RALGPS1: variants seen among roughly 807,000 people sequenced by gnomAD.
RALGPS1 encodes the protein ras-specific guanine nucleotide-releasing factor RalGPS1.
RALGPS1 carries 19 observed loss-of-function variants against 78.8 expected under a neutral mutation model. That is an observed-to-expected ratio of 0.24 (90% CI 0.17 to 0.35). The LOEUF is 0.35. Among genes scored for constraint, RALGPS1 ranks in the 10% least tolerant of loss-of-function variants. The pLI is 1.00. For missense variants in RALGPS1, 454 were observed against 688.3 expected (o/e 0.66, Z 3.81); for synonymous variants, 228 against 256.3 (o/e 0.89, Z 1.06).
intron 7 of RALGPS1, among the ~76,000 whole-genome samples, chr9:127,062,808 C>T (rs566418491): frequency 1.3e-5 from 2 of 152,316 alleles, no homozygotes; most frequent in East Asian, 3.8e-4. Context: ...GCGATAGTCT[C>T]CATTGCATCT....
At chr9:127,010,778 A>G (rs894870922) in intron 4 of RALGPS1, among the ~76,000 whole-genome samples, 39 of 152,188 alleles carry the variant, frequency 2.6e-4, no homozygotes, top group African/African-American at 5.3e-4. Context: ...TGCAGCCTTT[A>G]GTTTTACATG....
intron 8 of RALGPS1, among the ~76,000 whole-genome samples, chr9:127,143,839 A>G (rs141609050): frequency 1.4e-4 from 22 of 152,358 alleles, no homozygotes; most frequent in Admixed American, 8.5e-4. Flanking sequence ...GTAATTACCA[A>G]GACAGAGGTC....
At chr9:127,077,517 C>T (rs2050779575) in intron 8 of RALGPS1, among the ~76,000 whole-genome samples, 1 of 152,210 alleles carries the variant, frequency 6.6e-6, no homozygotes, top group African/African-American at 2.4e-5. Context: ...GCTGCTGCTT[C>T]CCTGAACAGG....
chr9:127,125,303 A>G (rs1350086648), intron 8 of RALGPS1, among the ~76,000 whole-genome samples: 2 of 152,208 alleles, frequency 1.3e-5, no homozygotes, highest in Non-Finnish European at 2.9e-5. Context: ...CGGGCCATGT[A>G]GCGCCCTCCT....
chr9:127,084,525 C>T (rs907859943), intron 8 of RALGPS1, among the ~76,000 whole-genome samples: 6 of 152,194 alleles, frequency 3.9e-5, no homozygotes, highest in African/African-American at 1.4e-4. Flanking sequence ...CCCCTCTTCC[C>T]ACTGCTCTTT....
chr9:127,116,379 C>A (rs779498441), intron 8 of RALGPS1, among the ~76,000 whole-genome samples: 1 of 152,118 alleles, frequency 6.6e-6, no homozygotes, highest in African/African-American at 2.4e-5. Context: ...GACAAGGACA[C>A]TGCTGTTACT....
At chr9:127,040,974 C>T (rs2047239691) in intron 5 of RALGPS1, among the ~76,000 whole-genome samples, 1 of 151,106 alleles carries the variant, frequency 6.6e-6, no homozygotes, top group South Asian at 2.1e-4. Flanking sequence ...TGAAGGACAT[C>T]TCAGTTACTT....
At chr9:126,927,422 A>C (rs529858688) in intron 1 of RALGPS1, among the ~76,000 whole-genome samples, 8 of 152,222 alleles carry the variant, frequency 5.3e-5, no homozygotes, top group African/African-American at 1.9e-4. Context: ...ACCAACCTCC[A>C]CTTCTTTCCC....
At chr9:127,127,284 G>A (rs1345130576) in intron 8 of RALGPS1, among the ~76,000 whole-genome samples, 1 of 152,128 alleles carries the variant, frequency 6.6e-6, no homozygotes, top group African/African-American at 2.4e-5. Context: ...CTTCTCCACT[G>A]ATTTCAAGCA....
chr9:127,099,055 C>T (rs560722333), intron 8 of RALGPS1, among the ~76,000 whole-genome samples: 4 of 152,334 alleles, frequency 2.6e-5, no homozygotes, highest in East Asian at 1.9e-4. Context: ...TTCTCTCTGA[C>T]GTGCCTGAGG....
chr9:127,159,530 CT>C (rs1331980654), intron 8 of RALGPS1, among the ~76,000 whole-genome samples: 1 of 152,230 alleles, frequency 6.6e-6, no homozygotes, highest in African/African-American at 2.4e-5. Context: ...AGGAAACTGT[CT>C]CAGTGACAGT....
intron 1 of RALGPS1, among the ~76,000 whole-genome samples, chr9:126,940,778 T>C (rs1242836637): frequency 1.3e-5 from 2 of 152,190 alleles, no homozygotes; most frequent in Non-Finnish European, 2.9e-5. Flanking sequence ...AGTTAGGTGA[T>C]TGGCCACCAG....
chr9:127,025,682 CA>C (rs2045903121), intron 4 of RALGPS1, among the ~76,000 whole-genome samples: 1 of 151,962 alleles, frequency 6.6e-6, no homozygotes, highest in South Asian at 2.1e-4. Context: ...AGTGTATGAA[CA>C]AATCTTTTCT....
intron 2 of RALGPS1, among the ~76,000 whole-genome samples, chr9:126,963,672 T>C (rs1231550110): frequency 1.3e-5 from 2 of 152,184 alleles, no homozygotes; most frequent in Non-Finnish European, 2.9e-5. Flanking sequence ...CCATCAGGTG[T>C]ATATTATTAT....
chr9:127,126,458 T>G (rs2056624547), intron 8 of RALGPS1, among the ~76,000 whole-genome samples: 1 of 152,212 alleles, frequency 6.6e-6, no homozygotes, highest in South Asian at 2.1e-4. Flanking sequence ...ATTTCTTAAT[T>G]TTTTATGCTC....
intron 7 of RALGPS1, among the ~76,000 whole-genome samples, chr9:127,056,158 G>A (rs940705927): frequency 4.6e-5 from 7 of 152,232 alleles, no homozygotes; most frequent in African/African-American, 1.7e-4. Flanking sequence ...AGAGGAAGAT[G>A]CCAGGGAACT....
At chr9:127,044,677 C>T (rs1005540872) in intron 5 of RALGPS1, among the ~76,000 whole-genome samples, 1 of 151,946 alleles carries the variant, frequency 6.6e-6, no homozygotes, top group African/African-American at 2.4e-5. Flanking sequence ...ATCTTGTCAC[C>T]CAGGTAGTGA....
intron 8 of RALGPS1, among the ~76,000 whole-genome samples, chr9:127,076,962 T>A (rs1197706337): frequency 6.6e-6 from 1 of 152,158 alleles, no homozygotes. Context: ...AGGAAAAACA[T>A]GTTTGTTAGA....
intron 3 of RALGPS1, among the ~76,000 whole-genome samples, chr9:126,968,326 A>G (rs778337528): frequency 6.6e-6 from 1 of 152,128 alleles, no homozygotes; most frequent in Non-Finnish European, 1.5e-5. Context: ...TCTTACAACA[A>G]CTCAATGAGT....
Sources: allele counts gnomAD v4.1 joint callset (sites outside exome capture counted in the v4.1 genomes callset), GRCh38; gene constraint gnomAD v4.1.1; transcripts MANE v1.5; gene names NCBI Gene and HGNC (gene_info 2026-07-23, HGNC 2026-07-21).